VAV3: variants seen among roughly 807,000 people sequenced by gnomAD.
VAV3 encodes the protein guanine nucleotide exchange factor VAV3.
Under a neutral mutation model 131.2 loss-of-function variants are expected in VAV3, and 94 were observed. The ratio of observed to expected loss-of-function variants is 0.72; its 90% CI spans 0.61 to 0.85. The LOEUF (loss-of-function observed/expected upper bound fraction) is 0.85. Ranked by LOEUF, VAV3 falls within the 40% of genes least tolerant of loss-of-function variation. VAV3 has a pLI of 0.00. For synonymous variants in VAV3, 349 were observed against 342.0 expected (o/e 1.02, Z -0.22); for missense variants, 939 against 1,002.7 (o/e 0.94, Z 0.86).
chr1:107,718,870 T>C (rs528114445), intron 15 of VAV3, among the ~76,000 whole-genome samples: 9 of 151,994 alleles, frequency 5.9e-5, no homozygotes, highest in African/African-American at 2.2e-4. Context: ...TATAGACCAA[T>C]GGAACAGAAC....
intron 2 of VAV3, among the ~76,000 whole-genome samples, chr1:107,823,710 T>C (rs550633165): frequency 7.9e-5 from 12 of 152,260 alleles, no homozygotes; most frequent in Admixed American, 2.6e-4. Flanking sequence ...TATTTGGAGA[T>C]GGGCTTTCTA....
intron 7 of VAV3, among the ~76,000 whole-genome samples, chr1:107,768,156 T>C (rs1664838115): frequency 6.6e-6 from 1 of 152,150 alleles, no homozygotes; most frequent in African/African-American, 2.4e-5. Flanking sequence ...ATCCCCAGAT[T>C]ATTTGAGACT....
At chr1:107,651,704 TG>T (rs760361968) in intron 19 of VAV3, among the ~76,000 whole-genome samples, 8 of 152,054 alleles carry the variant, frequency 5.3e-5, no homozygotes, top group Non-Finnish European at 8.8e-5. Context: ...GTTCAAGCAC[TG>T]TCTTTCTAAT....
chr1:107,951,574 C>T (rs566919853), intron 1 of VAV3, among the ~76,000 whole-genome samples: 2 of 152,204 alleles, frequency 1.3e-5, no homozygotes, highest in East Asian at 3.9e-4. Flanking sequence ...AACTATGCAT[C>T]TGACAAAGGC....
intron 15 of VAV3, 94 bp from the exon 16 acceptor site, chr1:107,705,155 G>A: frequency 1.0e-6 from 1 of 984,370 alleles, no homozygotes; most frequent in East Asian, 2.6e-5. Flanking sequence ...AATGACATCA[G>A]GTAGAGATCT....
intron 2 of VAV3, among the ~76,000 whole-genome samples, chr1:107,873,547 AG>A (rs1670345297): frequency 6.6e-6 from 1 of 152,150 alleles, no homozygotes; most frequent in South Asian, 2.1e-4. Flanking sequence ...GGTGTTTTTC[AG>A]GGCCAACAGC....
intron 1 of VAV3, among the ~76,000 whole-genome samples, chr1:107,932,582 A>G (rs956410554): frequency 2.0e-5 from 3 of 152,192 alleles, no homozygotes; most frequent in Non-Finnish European, 4.4e-5. Flanking sequence ...CCTGGAACCA[A>G]TGAATAATAC....
At chr1:107,776,771 T>C (rs559476763) in intron 4 of VAV3, among the ~76,000 whole-genome samples, 32 of 152,290 alleles carry the variant, frequency 2.1e-4, no homozygotes, top group Non-Finnish European at 2.9e-4. Flanking sequence ...ACCTTTTGCC[T>C]CTCTTGACTA....
intron 1 of VAV3, among the ~76,000 whole-genome samples, chr1:107,899,837 G>A (rs1318064455): frequency 1.3e-5 from 2 of 152,132 alleles, no homozygotes; most frequent in Non-Finnish European, 2.9e-5. Context: ...TTACTTGGCT[G>A]CCTCTGCTTT....
chr1:107,573,073 T>C lies in VAV3; in HGVS notation c.*258A>G, dbSNP rs1405589169. Reference sequence around the variant, plus strand: ...GCAGGGCTCTTCTGGGAAGAACAGCTCTTGGTTTTGCCCTGGTCCCTGACA... The same window carrying C: ...GCAGGGCTCTTCTGGGAAGAACAGCCCTTGGTTTTGCCCTGGTCCCTGACA... On this transcript the variant is annotated 3_prime_UTR_variant, in exon 27 of 27. Coordinates refer to ENST00000370056, the MANE Select transcript of VAV3 (RefSeq NM_006113.5). 8.8e-6 allele frequency: 4 copies of C among 454,728 alleles called. No individual in the cohort carries two copies. The highest frequency in any genetic ancestry group is 1.5e-5 in the Non-Finnish European group (4 of 260,028). 28.2% of individuals were successfully genotyped at this position (454,728 alleles called of 1,614,324 possible).
At position 107,794,883 on chromosome 1, in the gene VAV3, C is replaced by T. The variant is rs561756308; in HGVS notation, c.322-15391G>A. On this transcript the variant is annotated intron_variant, in intron 2 of 26. Transcript: ENST00000370056. ...AGATAAGTAGCTCAGCCCTAATGGG[C>T]AAAATGACCCCAGTGAGTGTGGGGT... Among the ~76,000 whole-genome samples the T allele has an allele frequency of 6.6e-5, 10 of 152,290 alleles. No homozygotes were observed. The South Asian group carries it at 2.1e-3, about 32-fold the overall frequency.
chr1:107,912,142 C>T (rs935068956), intron 1 of VAV3, among the ~76,000 whole-genome samples: 16 of 152,088 alleles, frequency 1.1e-4, no homozygotes, highest in Admixed American at 6.5e-5. Context: ...AGAAAACACA[C>T]CTATGACTAT....
rs556125728 is a variant in VAV3, at chr1:107,738,036, A to G, written c.1502+10932T>C. Among the ~76,000 whole-genome samples, 4 of 152,362 alleles carry G rather than the reference A, an allele frequency of 2.6e-5. No homozygotes were observed. The South Asian group carries it at 6.2e-4, about 24-fold the overall frequency. On this transcript the variant is annotated intron_variant, in intron 15 of 26. Transcript: ENST00000370056. ...AATAACTGTGCAGCCATAAAAAAGG[A>G]TGAGTTCATGTCCTTTGTAGGGACA...
chr1:107,807,031 A>G (rs1259534297), intron 2 of VAV3, among the ~76,000 whole-genome samples: 1 of 152,208 alleles, frequency 6.6e-6, no homozygotes, highest in African/African-American at 2.4e-5. Flanking sequence ...CGTGTTCAGT[A>G]CAGATGCTTT....
intron 19 of VAV3, among the ~76,000 whole-genome samples, chr1:107,660,449 T>C (rs565212211): frequency 6.6e-6 from 1 of 152,292 alleles, no homozygotes; most frequent in South Asian, 2.1e-4. Flanking sequence ...CCTATAGACA[T>C]CCATCTATTT....
intron 15 of VAV3, among the ~76,000 whole-genome samples, chr1:107,718,153 G>A (rs963796157): frequency 6.6e-6 from 1 of 152,160 alleles, no homozygotes; most frequent in Admixed American, 6.5e-5. Context: ...GCACAAGACA[G>A]GGATGCCCTC....
chr1:107,617,119 G>A (rs1158246544), intron 21 of VAV3, among the ~76,000 whole-genome samples: 1 of 152,032 alleles, frequency 6.6e-6, no homozygotes, highest in African/African-American at 2.4e-5. Context: ...TCACACTAAA[G>A]TATAGAAAAT....
chr1:107,916,334 T>C (rs993657611), intron 1 of VAV3, among the ~76,000 whole-genome samples: 1 of 152,168 alleles, frequency 6.6e-6, no homozygotes, highest in African/African-American at 2.4e-5. Context: ...CTACAATCAA[T>C]CTATGCTGTT....
intron 2 of VAV3, among the ~76,000 whole-genome samples, chr1:107,831,480 C>A (rs1357875150): frequency 6.6e-6 from 1 of 152,012 alleles, no homozygotes; most frequent in Non-Finnish European, 1.5e-5. Flanking sequence ...AATGTTTATT[C>A]CCAATATTAT....
Sources: allele counts gnomAD v4.1 joint callset (sites outside exome capture counted in the v4.1 genomes callset), GRCh38; gene constraint gnomAD v4.1.1; transcripts MANE v1.5; gene names NCBI Gene and HGNC (gene_info 2026-07-23, HGNC 2026-07-21).